The following LUZP1 variants were observed in gnomAD, a reference collection of about 807,000 sequenced individuals.
The protein encoded by LUZP1 is leucine zipper protein 1.
LUZP1 carries 25 observed loss-of-function variants against 71.3 expected under a neutral mutation model. That is an observed-to-expected ratio of 0.35 (90% CI 0.26 to 0.49). LUZP1 has a LOEUF of 0.49. Among genes scored for constraint, LUZP1 ranks in the 20% least tolerant of loss-of-function variants. The pLI is 0.99. For missense variants in LUZP1, 1,142 were observed against 1,300.8 expected (o/e 0.88, Z 1.88); for synonymous variants, 481 against 506.4 (o/e 0.95, Z 0.67).
intron 2 of LUZP1, among the ~76,000 whole-genome samples, chr1:23,117,523 G>C (rs796766754): frequency 1.2e-5 from 1 of 84,152 alleles, no homozygotes; most frequent in Non-Finnish European, 2.3e-5. Flanking sequence ...GGGGGGCGGG[G>C]GGGGGGAACA....
At chr1:23,176,880 T>C (rs1016098404) in intron 1 of LUZP1, among the ~76,000 whole-genome samples, 54 of 111,432 alleles carry the variant, frequency 4.8e-4, no homozygotes, top group African/African-American at 1.7e-3. Context: ...TTTGGGGGGT[T>C]TTTTGTTTTT....
intron 2 of LUZP1, among the ~76,000 whole-genome samples, chr1:23,118,325 G>C (rs1279484778): frequency 6.6e-6 from 1 of 152,030 alleles, no homozygotes; most frequent in Non-Finnish European, 1.5e-5. Flanking sequence ...TTGAACCCGG[G>C]AGGCGGAGGT....
intron 3 of LUZP1, among the ~76,000 whole-genome samples, chr1:23,102,931 T>C (rs1413074909): frequency 6.6e-6 from 1 of 152,164 alleles, no homozygotes; most frequent in Admixed American, 6.5e-5. Flanking sequence ...TTTCATTTCA[T>C]TTCATTTGAT....
At chr1:23,090,996 A>G (rs921834361) in intron 4 of LUZP1, 194 bp downstream of exon 3, 16 of 727,644 alleles carry the variant, frequency 2.2e-5, no homozygotes, top group Non-Finnish European at 3.8e-5. Context: ...GGATTTTGGA[A>G]AGTGATGCTG....
chr1:23,092,311 A>C, exon 4 of LUZP1: 1 of 1,614,156 alleles, frequency 6.2e-7, no homozygotes, highest in East Asian at 2.2e-5. Context: ...CTGCCACTGG[A>C]TTTGATGACT....
At chr1:23,098,438 T>C (rs893910522) in intron 3 of LUZP1, among the ~76,000 whole-genome samples, 2 of 152,006 alleles carry the variant, frequency 1.3e-5, no homozygotes, top group Admixed American at 6.5e-5. Flanking sequence ...AAAACGAAGG[T>C]ATAATCATAG....
Position 23,170,982 on chromosome 1 carries a change from C to T in LUZP1, c.-484-1958G>A, listed in dbSNP as rs139651180. 1.9e-3 allele frequency among the ~76,000 whole-genome samples: 281 copies of T among 151,580 alleles called. 5 individuals carry two copies. Among genetic ancestry groups the T allele is most frequent in the African/African-American group, 6.3e-3 (261 of 41,358 alleles). The stretch of plus-strand genomic sequence containing the variant: ...TGGTGCCCGTGCAGTCTCAGCTACT[C>T]AGGAGGCTGTGGTGGGAGGATCCCT... On this transcript the variant is annotated intron_variant, in intron 1 of 4. Coordinates refer to ENST00000302291, the Ensembl canonical transcript of LUZP1.
At chr1:23,092,575 C>T in exon 4 of LUZP1, 1 of 1,614,144 alleles carries the variant, frequency 6.2e-7, no homozygotes. Context: ...GCTCCAATGG[C>T]CTTAGAACAG....
At chr1:23,097,076 A>G (rs1474169319) in intron 3 of LUZP1, among the ~76,000 whole-genome samples, 1 of 152,182 alleles carries the variant, frequency 6.6e-6, no homozygotes, top group African/African-American at 2.4e-5. Context: ...TCTGCTTCCA[A>G]GATGACACCT....
chr1:23,138,997 C>CA lies in LUZP1; in HGVS notation c.-226+29768dup, dbSNP rs535524035. ...TGGGTGACAGAGCAAGACTCCATCT[C>CA]AAAAAAAAAAAAAAAAAAAAAAATA... is the stretch of plus-strand genomic sequence containing the variant. On this transcript the variant is annotated intron_variant, in intron 2 of 4. Coordinates refer to ENST00000302291, the Ensembl canonical transcript of LUZP1. Among the ~76,000 whole-genome samples, 101 of 21,572 alleles carry CA rather than the reference C, an allele frequency of 4.7e-3. 10 individuals are homozygous for CA. The highest frequency in any genetic ancestry group is 5.9e-3 in the Non-Finnish European group (75 of 12,798). 14.2% of individuals were successfully genotyped at this position (21,572 alleles called of 152,430 possible).
At chr1:23,158,736 G>A (rs1377250173) in intron 2 of LUZP1, among the ~76,000 whole-genome samples, 3 of 151,030 alleles carry the variant, frequency 2.0e-5, no homozygotes, top group Non-Finnish European at 4.4e-5. Context: ...GGAGGCGGAG[G>A]TGGGCAGATT....
At chr1:23,126,928 C>A (rs926526302) in intron 2 of LUZP1, among the ~76,000 whole-genome samples, 3 of 152,222 alleles carry the variant, frequency 2.0e-5, no homozygotes, top group Non-Finnish European at 4.4e-5. Context: ...TTAAACTCCA[C>A]AGGAATGAGT....
At chr1:23,095,231 T>C (rs1209241167) in intron 3 of LUZP1, among the ~76,000 whole-genome samples, 1 of 152,192 alleles carries the variant, frequency 6.6e-6, no homozygotes, top group Non-Finnish European at 1.5e-5. Context: ...AACAGGAGAA[T>C]GGATTGATAA....
At position 23,163,131 on chromosome 1, in the gene LUZP1, T is replaced by C. The variant is rs542723881; in HGVS notation, c.-226+5635A>G. Reference sequence around the variant, plus strand: ...GGCAGGCACCTGTACTCCCAGCTACTTGGGAGGCTGAGGGAGAAGAATCGT... The same window carrying C: ...GGCAGGCACCTGTACTCCCAGCTACCTGGGAGGCTGAGGGAGAAGAATCGT... On this transcript the variant is annotated intron_variant, in intron 2 of 4. Transcript: ENST00000302291. Among the ~76,000 whole-genome samples the C allele has an allele frequency of 2.5e-4, 37 of 150,578 alleles. 1 individual carries two copies. In the South Asian group the frequency reaches 7.1e-3, roughly 29 times the overall value.
At chr1:23,164,213 C>T (rs531808471) in intron 2 of LUZP1, among the ~76,000 whole-genome samples, 10 of 152,190 alleles carry the variant, frequency 6.6e-5, no homozygotes, top group African/African-American at 2.4e-4. Context: ...AAATAGTCAC[C>T]GGCTGGGCGC....
At chr1:23,172,516 T>A (rs1644558079) in intron 1 of LUZP1, among the ~76,000 whole-genome samples, 1 of 151,456 alleles carries the variant, frequency 6.6e-6, no homozygotes, top group Admixed American at 6.6e-5. Flanking sequence ...TTTTTATTTT[T>A]TTATTTTTTT....
intron 3 of LUZP1, among the ~76,000 whole-genome samples, chr1:23,104,706 C>A (rs777406248): frequency 2.6e-5 from 4 of 152,140 alleles, no homozygotes; most frequent in African/African-American, 9.7e-5. Flanking sequence ...AAGGTAGGAA[C>A]CTTATAAATG....
chr1:23,145,981 T>C (rs1425023509), intron 2 of LUZP1, among the ~76,000 whole-genome samples: 1 of 152,186 alleles, frequency 6.6e-6, no homozygotes, highest in East Asian at 1.9e-4. Context: ...CACAATAACC[T>C]AGTAAAACAT....
chr1:23,151,148 G>A (rs765511664), intron 2 of LUZP1, among the ~76,000 whole-genome samples: 9 of 152,050 alleles, frequency 5.9e-5, no homozygotes, highest in Non-Finnish European at 8.8e-5. Context: ...AGGTTCAAGC[G>A]ATTCTCCCAC....
Sources: allele counts gnomAD v4.1 joint callset (sites outside exome capture counted in the v4.1 genomes callset), GRCh38; gene constraint gnomAD v4.1.1; transcripts MANE v1.5; gene names NCBI Gene and HGNC (gene_info 2026-07-23, HGNC 2026-07-21).